The following SLC12A6 variants were observed in gnomAD, a reference collection of about 807,000 sequenced individuals.
The protein encoded by SLC12A6 is K-Cl cotransporter 3.
SLC12A6 carries 66 observed loss-of-function variants against 135.3 expected under a neutral mutation model. That is an observed-to-expected ratio of 0.49 (90% confidence interval 0.40 to 0.60). The LOEUF (loss-of-function observed/expected upper bound fraction) is 0.60, where lower values mean the gene tolerates loss of function less well. Ranked by LOEUF, SLC12A6 falls within the 20% of genes least tolerant of loss-of-function variation. SLC12A6 has a pLI of 0.00. For missense variants in SLC12A6, 1,058 were observed against 1,452.3 expected (o/e 0.73, Z 4.41); for synonymous variants, 513 against 508.8 (o/e 1.01, Z -0.11).
At chr15:34,252,773 T>G (rs994869700) in intron 9 of SLC12A6, among the ~76,000 whole-genome samples, 1 of 152,226 alleles carries the variant, frequency 6.6e-6, no homozygotes, top group Admixed American at 6.5e-5. Context: ...CTTCCAAAAT[T>G]TTTGGCTAAA....
intron 2 of SLC12A6, among the ~76,000 whole-genome samples, chr15:34,321,018 C>T (rs1889051277): frequency 6.6e-6 from 1 of 152,168 alleles, no homozygotes; most frequent in African/African-American, 2.4e-5. Context: ...CTAGTTTGTA[C>T]TCTGCATTGC....
chr15:34,271,824 C>G (rs1304798295), intron 3 of SLC12A6, among the ~76,000 whole-genome samples: 1 of 152,066 alleles, frequency 6.6e-6, no homozygotes, highest in African/African-American at 2.4e-5. Flanking sequence ...TTTATATATC[C>G]AATTCAACAG....
intron 2 of SLC12A6, among the ~76,000 whole-genome samples, chr15:34,306,861 A>G (rs1285588924): frequency 1.3e-5 from 2 of 152,244 alleles, no homozygotes; most frequent in Non-Finnish European, 2.9e-5. Flanking sequence ...ATTAAAGGAA[A>G]CTGATTAGAT....
chr15:34,240,205 C>A (rs79541411), intron 19 of SLC12A6, among the ~76,000 whole-genome samples: 12 of 151,942 alleles, frequency 7.9e-5, no homozygotes, highest in Non-Finnish European at 1.8e-4. Context: ...AAAACAACTT[C>A]CTTGTTAAAG....
chr15:34,258,355 G>C (rs1291424496), intron 5 of SLC12A6, among the ~76,000 whole-genome samples: 1 of 152,158 alleles, frequency 6.6e-6, no homozygotes, highest in Non-Finnish European at 1.5e-5. Context: ...TCAGCAGATG[G>C]GTATGGACAC....
intron 2 of SLC12A6, among the ~76,000 whole-genome samples, chr15:34,329,014 T>C (rs377333526): frequency 2.6e-5 from 4 of 152,360 alleles, no homozygotes; most frequent in South Asian, 2.1e-4. Flanking sequence ...AAAGAATACA[T>C]TGTTTTAACA....
Position 34,336,565 on chromosome 15 carries a change from G to C in SLC12A6, c.116C>G (p.Ser39Cys), listed in dbSNP as rs954583146. ...GGAGCTAAATCTTACTCGGGAACTA[G>C]ATCGAGAGCTGAGGTCCGGACTGGT... ...SDTSPDLSSR[S>C]SSRVRFSSRE... The change falls in exon 2 of 26, where the codon TCT (serine) becomes TGT (cysteine). Residue 39 changes from serine (S) to cysteine (C), a missense_variant. Ser to Cys is a moderately radical substitution (Grantham distance 112, BLOSUM62 -1). This residue lies in a region of SLC12A6 where 176 missense variants were observed against 168.9 expected (regional missense o/e 1.04). Coordinates refer to ENST00000354181, the MANE Select transcript of SLC12A6 (RefSeq NM_001365088.1). 6.2e-7 allele frequency: 1 copy of C among 1,613,912 alleles called. No homozygotes were observed. Among genetic ancestry groups the C allele is most frequent in the Non-Finnish European group, 8.5e-7 (1 of 1,179,942 alleles).
chr15:34,254,806 T>C (rs1480691144), intron 8 of SLC12A6, among the ~76,000 whole-genome samples: 2 of 150,934 alleles, frequency 1.3e-5, no homozygotes, highest in South Asian at 2.1e-4. Flanking sequence ...TCTGAATAAC[T>C]ACATTTCCAA....
chr15:34,302,318 GA>G (rs201158325), intron 2 of SLC12A6, among the ~76,000 whole-genome samples: 10 of 151,976 alleles, frequency 6.6e-5, no homozygotes, highest in South Asian at 4.2e-4. Flanking sequence ...TAAAAAAGAA[GA>G]AAAAAAACTT....
At chr15:34,266,906 A>C (rs1370670188) in intron 3 of SLC12A6, among the ~76,000 whole-genome samples, 1 of 152,110 alleles carries the variant, frequency 6.6e-6, no homozygotes, top group African/African-American at 2.4e-5. Context: ...TAGTCCATCA[A>C]CCTTAGTGAT....
At chr15:34,278,627 A>G (rs1021046171) in intron 2 of SLC12A6, among the ~76,000 whole-genome samples, 2 of 151,748 alleles carry the variant, frequency 1.3e-5, no homozygotes, top group African/African-American at 4.8e-5. Context: ...GCTGGAGTGC[A>G]GTAGCGCGAT....
At chr15:34,238,742 T>C in intron 20 of SLC12A6, 1 of 623,070 alleles carries the variant, frequency 1.6e-6, no homozygotes, top group Non-Finnish European at 2.8e-6. Context: ...ATTTTGGAGA[T>C]AATTCCTAGC....
chr15:34,255,959 C>T (rs1199161193), intron 7 of SLC12A6, among the ~76,000 whole-genome samples: 1 of 151,998 alleles, frequency 6.6e-6, no homozygotes, highest in East Asian at 1.9e-4. Context: ...CAGAGTGAGA[C>T]TCTGTCTATA....
chr15:34,335,648 C>A (rs143451274), intron 2 of SLC12A6, among the ~76,000 whole-genome samples: 1,865 of 152,216 alleles, frequency 0.012, 14 homozygotes, highest in Middle Eastern at 0.037. Flanking sequence ...TTCCCAGTAC[C>A]TCAAATAAAA....
At chr15:34,261,140 A>G in intron 3 of SLC12A6, 120 bp from the exon 4 acceptor site, 1 of 698,146 alleles carries the variant, frequency 1.4e-6, no homozygotes, top group Non-Finnish European at 2.6e-6. Flanking sequence ...TTCAAATTTA[A>G]TCTTAGAACT....
At chr15:34,319,768 C>A (rs187604242) in intron 2 of SLC12A6, among the ~76,000 whole-genome samples, 132 of 150,828 alleles carry the variant, frequency 8.8e-4, no homozygotes, top group African/African-American at 3.1e-3. Context: ...CACTGCACTC[C>A]AGCCTGAGCG....
At chr15:34,259,295 C>T (rs1486767293) in intron 4 of SLC12A6, among the ~76,000 whole-genome samples, 3 of 151,196 alleles carry the variant, frequency 2.0e-5, no homozygotes, top group Non-Finnish European at 4.4e-5. Context: ...GAGCCGAGAT[C>T]GCGCCACTGC....
chr15:34,276,125 T>C (rs1455925090), intron 2 of SLC12A6, among the ~76,000 whole-genome samples: 2 of 152,068 alleles, frequency 1.3e-5, no homozygotes, highest in Admixed American at 1.3e-4. Context: ...ATTGTATATA[T>C]TTTGCCACAA....
At chr15:34,267,659 A>G (rs1378066889) in intron 3 of SLC12A6, among the ~76,000 whole-genome samples, 2 of 152,224 alleles carry the variant, frequency 1.3e-5, no homozygotes, top group Non-Finnish European at 2.9e-5. Flanking sequence ...GACTAGCATG[A>G]GCAACATTGT....
Sources: allele counts gnomAD v4.1 joint callset (sites outside exome capture counted in the v4.1 genomes callset), GRCh38; gene constraint gnomAD v4.1.1; regional missense constraint gnomAD v4.1.1; transcripts MANE v1.5; gene names NCBI Gene and HGNC (gene_info 2026-07-23, HGNC 2026-07-21).